Variants in FAM110A observed in about 807,000 individuals in gnomAD.
FAM110A encodes the protein family with sequence similarity 110 member A.
In FAM110A, 1 loss-of-function variant was observed where a neutral mutation model predicts 4.0. That is an observed-to-expected ratio of 0.25 (90% CI 0.09 to 1.20). FAM110A has a LOEUF of 1.20. Ranked by LOEUF, FAM110A falls within the 50% of genes most tolerant of loss-of-function variation. The probability of loss-of-function intolerance (pLI) is 0.50; values close to 1 mark genes in which losing one functional copy is unlikely to be tolerated. For synonymous variants in FAM110A, 217 were observed against 196.8 expected, an observed-to-expected ratio of 1.10 and a Z score of -0.86; for missense variants, 436 against 429.2, an observed-to-expected ratio of 1.02 and a Z score of -0.14.
In FAM110A at chr20:845,780, C is replaced by A; in HGVS notation, c.*88C>A. 1 of 1,553,534 alleles carries A rather than the reference C, an allele frequency of 6.4e-7. No homozygotes were observed. The highest frequency in any genetic ancestry group is 1.2e-5 in the South Asian group (1 of 81,716). On this transcript the variant is annotated 3_prime_UTR_variant, in exon 2 of 2. Transcript: ENST00000381941. ...TCTCTTGCATCCATTCTCTAGACGG[C>A]CGTGTCAGAGGCTCCACCCTGTTGT...
intron 1 of FAM110A, among the ~76,000 whole-genome samples, chr20:842,673 T>C (rs1387914180): frequency 1.3e-5 from 2 of 152,212 alleles, no homozygotes; most frequent in Non-Finnish European, 2.9e-5. Context: ...GGGACAGATA[T>C]GTTCGCAGAC....
intron 1 of FAM110A, among the ~76,000 whole-genome samples, chr20:841,581 C>A (rs1054844173): frequency 1.3e-5 from 2 of 152,098 alleles, no homozygotes; most frequent in African/African-American, 4.8e-5. Context: ...CAAAAGCCAG[C>A]CTGGGGATCT....
Position 845,141 on chromosome 20 carries a change from TTG to T in FAM110A, c.342_343del (p.Cys114Ter). 6.3e-7 allele frequency: 1 copy of T among 1,580,266 alleles called. No homozygotes were observed. Among genetic ancestry groups the T allele is most frequent in the Non-Finnish European group, 8.6e-7 (1 of 1,164,866 alleles). ...GGACATCCTCAGCAGCCTCATCGAC[TTG>T]TGTGACAGCCCCGTGTCCCCTGCCG... ...DLDILSSLIDLCDSPVSPAEA... is the reference protein window; with the variant it reads ...DLDILSSLIDXCDSPVSPAEA... On this transcript the variant is annotated frameshift_variant, in exon 2 of 2. Transcript: ENST00000381941. LOFTEE classifies it high-confidence loss of function.
In FAM110A at chr20:845,587, G is replaced by A; in HGVS notation, c.783G>A (p.Arg261=). Reference sequence around the variant, plus strand: ...CGGTGACTGTTGAGGAGCGGGCCCGGGAGCGCGTTCCCTATGGCGTGTCGG... The same window carrying A: ...CGGTGACTGTTGAGGAGCGGGCCCGAGAGCGCGTTCCCTATGGCGTGTCGG... The part of the protein sequence containing the change: ...RSSVTVEERA[R]ERVPYGVSVV... The change falls in exon 2 of 2, where the codon CGG becomes CGA. Residue 261 remains arginine, a synonymous_variant. Transcript: ENST00000381941. 1 of 1,614,040 alleles carries A rather than the reference G, an allele frequency of 6.2e-7. No homozygotes were observed. The highest frequency in any genetic ancestry group is 8.5e-7 in the Non-Finnish European group (1 of 1,180,006).
At chr20:837,047 T>G (rs482881) in intron 1 of FAM110A, among the ~76,000 whole-genome samples, 179 of 136,450 alleles carry the variant, frequency 1.3e-3, no homozygotes, top group African/African-American at 4.6e-3. Context: ...TCTGCATTGT[T>G]TTTTTTTTTT....
Position 845,505 on chromosome 20 carries a change from T to C in FAM110A, c.701T>C (p.Leu234Pro). The C allele has an allele frequency of 1.2e-6, 2 of 1,612,264 alleles. No individual in the cohort carries two copies. Among genetic ancestry groups the C allele is most frequent in the Non-Finnish European group, 1.7e-6 (2 of 1,179,206 alleles). ...LARASSDIVS[L>P]AGPSAGPGSS... ...CGGGCCAGCTCGGATATCGTGTCCC[T>C]GGCAGGGCCCAGTGCTGGGCCGGGC... The change falls in exon 2 of 2, where the codon CTG becomes CCG. Residue 234 changes from leucine (L) to proline (P), a missense_variant. Physicochemically the swap from Leu to Pro is moderately conservative, Grantham distance 98. Coordinates refer to ENST00000381941, the MANE Select transcript of FAM110A (RefSeq NM_001042353.3).
chr20:845,377 G>C lies in FAM110A; in HGVS notation c.573G>C (p.Leu191Phe), dbSNP rs763558023. ...GTTTGCAACGCTCCAAGTCGGACTTGAGCGAGCGCTTTTCTAGGGCAGCCG... is the reference window on the plus strand; with the variant it reads ...GTTTGCAACGCTCCAAGTCGGACTTCAGCGAGCGCTTTTCTAGGGCAGCCG... ...PPGLQRSKSD[L>F]SERFSRAAAD... is the part of the protein sequence containing the mutation. Residue 191 changes from leucine (L) to phenylalanine (F), a missense_variant, in exon 2 of 2, where the codon TTG (leucine) becomes TTC (phenylalanine). Leu to Phe is a conservative substitution (Grantham distance 22). Transcript: ENST00000381941. The C allele has an allele frequency of 6.2e-7, 1 of 1,612,742 alleles. No homozygotes were observed. Among genetic ancestry groups the C allele is most frequent in the South Asian group, 1.1e-5 (1 of 90,946 alleles).
intron 1 of FAM110A, among the ~76,000 whole-genome samples, chr20:843,861 C>T (rs1568787842): frequency 1.3e-5 from 2 of 152,192 alleles, no homozygotes; most frequent in Admixed American, 1.3e-4. Flanking sequence ...GAGGGTCTGC[C>T]GGATGCCTCC....
chr20:838,709 C>T (rs1010156197), intron 1 of FAM110A, among the ~76,000 whole-genome samples: 1 of 151,888 alleles, frequency 6.6e-6, no homozygotes, highest in Non-Finnish European at 1.5e-5. Flanking sequence ...TGTTCAGGAA[C>T]AGCAGGGAGG....
chr20:843,291 C>T (rs1296688693), intron 1 of FAM110A, among the ~76,000 whole-genome samples: 2 of 152,008 alleles, frequency 1.3e-5, no homozygotes, highest in African/African-American at 4.8e-5. Flanking sequence ...GAGATCCCTG[C>T]CTCCCCACCC....
intron 1 of FAM110A, among the ~76,000 whole-genome samples, chr20:835,225 T>A (rs56106100): frequency 6.8e-6 from 1 of 146,856 alleles, no homozygotes. Flanking sequence ...CACACACACA[T>A]ATATACACAC....
intron 1 of FAM110A, among the ~76,000 whole-genome samples, chr20:838,853 T>C (rs2122660982): frequency 6.8e-6 from 1 of 147,802 alleles, no homozygotes; most frequent in East Asian, 2.0e-4. Flanking sequence ...AGAGTCTTGC[T>C]CTGTTGTCCA....
intron 1 of FAM110A, 39 bp from the exon 2 acceptor site, chr20:844,669 G>A: frequency 1.6e-6 from 2 of 1,272,346 alleles, no homozygotes; most frequent in African/African-American, 1.6e-5. Flanking sequence ...GTCTGAGCGC[G>A]CTCGGCTTTT....
chr20:844,642 C>G (rs1332752778), intron 1 of FAM110A, 66 bp from the exon 2 acceptor site: 15 of 1,185,080 alleles, frequency 1.3e-5, no homozygotes, highest in Middle Eastern at 3.1e-4. Context: ...TCCTCTCAGC[C>G]GCGGCTGAGC....
In FAM110A at chr20:845,713, C is replaced by T. The variant is rs150839256; in HGVS notation, c.*21C>T. The stretch of plus-strand genomic sequence containing the variant: ...GCTAGGCGCCACTGGGCCTGGAATT[C>T]GCCACAGGACGGATCTTACAGAGGC... On this transcript the variant is annotated 3_prime_UTR_variant, in exon 2 of 2. Coordinates refer to ENST00000381941, the MANE Select transcript of FAM110A (RefSeq NM_001042353.3). The T allele has an allele frequency of 4.5e-5, 72 of 1,613,326 alleles. No homozygotes were observed. The highest frequency in any genetic ancestry group is 6.7e-5 in the Admixed American group (4 of 59,940).
chr20:840,014 G>A lies in FAM110A; in HGVS notation c.-97-4694G>A, dbSNP rs566586968. ...TAGGGTCCGGGGCTGGGGCTGGAAA[G>A]GAAGGACTGTTCTTTTCTTTGCTAT... On this transcript the variant is annotated intron_variant, in intron 1 of 1. Coordinates refer to ENST00000381941, the MANE Select transcript of FAM110A (RefSeq NM_001042353.3). The surrounding 1 kb of genome is among the most constrained non-coding windows in gnomAD (Gnocchi z 4.4). 4.0e-5 allele frequency: 40 copies of A among 1,012,122 alleles called. No individual in the cohort carries two copies. The highest frequency in any genetic ancestry group is 3.4e-4 in the Admixed American group (17 of 50,380). 62.7% of individuals were successfully genotyped at this position (1,012,122 alleles called of 1,614,324 possible). A position where few individuals can be genotyped will look rare whatever the true frequency, so the allele number is the denominator to read the frequency against.
In FAM110A at chr20:834,249, T is replaced by A. The variant is rs868326074; in HGVS notation, c.-98+298T>A. On this transcript the variant is annotated intron_variant, in intron 1 of 1. Transcript: ENST00000381941. The surrounding 1 kb of genome is among the most constrained non-coding windows in gnomAD (Gnocchi z 5.6). ...TTATCGGCAGGGACCTGTAGACCCC[T>A]GGCTGGATCACATATCCCCGCGCCC... 1.3e-5 allele frequency among the ~76,000 whole-genome samples: 2 copies of A among 152,226 alleles called. No individual in the cohort carries two copies. Among genetic ancestry groups the A allele is most frequent in the Admixed American group, 1.3e-4 (2 of 15,286 alleles).
In FAM110A at chr20:844,728, C is replaced by G; in HGVS notation, c.-77C>G. 7.4e-7 allele frequency: 1 copy of G among 1,355,870 alleles called. No homozygotes were observed. Among genetic ancestry groups the G allele is most frequent in the African/African-American group, 1.5e-5 (1 of 64,968 alleles). The allele number at this position is 1,355,870 out of a possible 1,614,324, so 84.0% of individuals were successfully genotyped here. On this transcript the variant is annotated 5_prime_UTR_variant, in exon 2 of 2. Coordinates refer to ENST00000381941, the MANE Select transcript of FAM110A (RefSeq NM_001042353.3). ...TGCAGCAGTGGCCGGTGTCCAGCTG[C>G]CTACTTTCTGCCCGGATCTCTGGCT...
In FAM110A at chr20:834,393, A is replaced by T. The variant is rs1175082107; in HGVS notation, c.-98+442A>T. The stretch of plus-strand genomic sequence containing the variant: ...GGGGACAGAGGACCACTCTTTGGGG[A>T]TCGGACGGGACTGACATTTCTGGGC... On this transcript the variant is annotated intron_variant, in intron 1 of 1. Transcript: ENST00000381941. The surrounding 1 kb of genome is among the most constrained non-coding windows in gnomAD (Gnocchi z 5.6). 1.3e-5 allele frequency among the ~76,000 whole-genome samples: 2 copies of T among 151,932 alleles called. No homozygotes were observed. The highest frequency in any genetic ancestry group is 2.9e-5 in the Non-Finnish European group (2 of 67,980).
Sources: gnomAD v4.1 joint callset for allele counts (sites outside exome capture counted in the v4.1 genomes callset) on GRCh38, gnomAD v4.1.1 for gene constraint, Gnocchi (gnomAD v3.1) non-coding constraint, MANE v1.5 for transcripts, NCBI Gene and HGNC (gene_info 2026-07-23, HGNC 2026-07-21) for gene names.